Variants in PRELID2 observed in about 807,000 individuals in gnomAD.
The protein encoded by PRELID2 is PRELI domain containing 2, also known as PRELI domain-containing protein 2.
In PRELID2, 25 loss-of-function variants were observed where a neutral mutation model predicts 28.4. The observed-to-expected ratio is 0.88, with a 90% CI of 0.64 to 1.23. PRELID2 has a LOEUF of 1.23. Among genes scored for constraint, PRELID2 ranks in the 50% most tolerant of loss-of-function variants. PRELID2 has a pLI of 0.00. For synonymous variants in PRELID2, 76 were observed against 71.6 expected (o/e 1.06, Z -0.31); for missense variants, 201 against 214.4 (o/e 0.94, Z 0.39).
intron 1 of PRELID2, among the ~76,000 whole-genome samples, chr5:145,567,658 G>A (rs776007024): frequency 6.6e-6 from 1 of 152,088 alleles, no homozygotes; most frequent in African/African-American, 2.4e-5. Flanking sequence ...GATTACAGGT[G>A]TGAGCCACCA....
At chr5:145,562,871 G>C (rs1400500316) in intron 1 of PRELID2, among the ~76,000 whole-genome samples, 1 of 152,180 alleles carries the variant, frequency 6.6e-6, no homozygotes, top group Non-Finnish European at 1.5e-5. Context: ...GGCCAAAGTA[G>C]AGTTTTTTTC....
intron 1 of PRELID2, among the ~76,000 whole-genome samples, chr5:145,533,197 G>A (rs1752668641): frequency 6.6e-6 from 1 of 152,076 alleles, no homozygotes; most frequent in South Asian, 2.1e-4. Flanking sequence ...TGTATAAAAT[G>A]TGGGAATGGG....
intron 1 of PRELID2, among the ~76,000 whole-genome samples, chr5:145,615,270 A>C (rs1581003981): frequency 1.4e-5 from 2 of 145,998 alleles, no homozygotes; most frequent in African/African-American, 2.6e-5. Context: ...GCCTTCTTCC[A>C]CCCCTTTACT....
the PRELID2 span, among the ~76,000 whole-genome samples, chr5:145,344,046 G>A: frequency 6.6e-6 from 1 of 151,788 alleles, no homozygotes; most frequent in Non-Finnish European, 1.5e-5. Context: ...TCCCAGGACC[G>A]GAGGGACTCA....
the PRELID2 span, among the ~76,000 whole-genome samples, chr5:145,408,533 AG>A: frequency 1.3e-5 from 2 of 149,632 alleles, no homozygotes; most frequent in Non-Finnish European, 3.0e-5. Context: ...ATTAAAGAAA[AG>A]ACAATCACAA....
intron 1 of PRELID2, among the ~76,000 whole-genome samples, chr5:145,495,572 T>G (rs1198082526): frequency 1.3e-5 from 2 of 152,158 alleles, no homozygotes; most frequent in Non-Finnish European, 2.9e-5. Flanking sequence ...AATTTAAAAA[T>G]GTTTCATATT....
At chr5:145,666,744 T>A (rs1256446745) in intron 1 of PRELID2, among the ~76,000 whole-genome samples, 1 of 152,086 alleles carries the variant, frequency 6.6e-6, no homozygotes, top group Non-Finnish European at 1.5e-5. Context: ...TTATGAGTCT[T>A]GGTGCAGCTT....
At chr5:145,334,764 T>A in the PRELID2 span, among the ~76,000 whole-genome samples, 1 of 144,774 alleles carries the variant, frequency 6.9e-6, no homozygotes, top group East Asian at 2.1e-4. Flanking sequence ...AGTATTCTTG[T>A]TTGTCAGTTT....
At chr5:145,369,742 T>C in the PRELID2 span, among the ~76,000 whole-genome samples, 1 of 152,188 alleles carries the variant, frequency 6.6e-6, no homozygotes, top group Non-Finnish European at 1.5e-5. Context: ...CCACCAACAG[T>C]GTAAAAGTGC....
chr5:145,828,828 A>G (rs1022303896), intron 1 of PRELID2, among the ~76,000 whole-genome samples: 1 of 147,076 alleles, frequency 6.8e-6, no homozygotes, highest in African/African-American at 2.5e-5. Context: ...ATAGTGAAAA[A>G]AATCTTTTTT....
At chr5:145,794,462 C>T (rs1450141687) in intron 5 of PRELID2, among the ~76,000 whole-genome samples, 2 of 152,166 alleles carry the variant, frequency 1.3e-5, no homozygotes, top group Non-Finnish European at 1.5e-5. Context: ...CTTCATTCAT[C>T]TGAGGGCTGC....
the PRELID2 span, among the ~76,000 whole-genome samples, chr5:145,448,216 T>C: frequency 4.6e-5 from 7 of 151,896 alleles, no homozygotes; most frequent in Non-Finnish European, 1.0e-4. Flanking sequence ...ATTTCTCTGA[T>C]GGCCAGTGAT....
chr5:145,639,027 G>A (rs769516427), intron 1 of PRELID2, among the ~76,000 whole-genome samples: 7 of 152,194 alleles, frequency 4.6e-5, no homozygotes, highest in Non-Finnish European at 8.8e-5. Context: ...GGACCTAAGA[G>A]TATATTCTTC....
At chr5:145,291,793 A>T in the PRELID2 span, among the ~76,000 whole-genome samples, 1 of 152,050 alleles carries the variant, frequency 6.6e-6, no homozygotes, top group African/African-American at 2.4e-5. Context: ...TTTTCCATTA[A>T]TTTTTACATA....
intron 1 of PRELID2, among the ~76,000 whole-genome samples, chr5:145,828,088 A>G (rs986722929): frequency 1.3e-5 from 2 of 152,240 alleles, no homozygotes; most frequent in African/African-American, 4.8e-5. Flanking sequence ...TAAAGACACG[A>G]TGTTAGAAAA....
chr5:145,737,814 T>C (rs1221394125), intron 1 of PRELID2, among the ~76,000 whole-genome samples: 1 of 152,082 alleles, frequency 6.6e-6, no homozygotes, highest in Non-Finnish European at 1.5e-5. Flanking sequence ...TGCCAGGGTG[T>C]TGCCAGAGAA....
chr5:145,711,608 C>A lies in PRELID2; in HGVS notation n.70+53323G>T, dbSNP rs561612693. 9.2e-5 allele frequency among the ~76,000 whole-genome samples: 14 copies of A among 152,088 alleles called. No homozygotes were observed. The South Asian group carries it at 2.9e-3, about 32-fold the overall frequency. ...GGAAATCTGGGGACAGAGTGGAGAG[C>A]TGTGAGAGACTCTCCCTGAGTTTGC... On this transcript the variant is annotated intron_variant and non_coding_transcript_variant, in intron 1 of 2. Transcript: ENST00000510259.
chr5:145,610,862 ATTC>A (rs1478725936), intron 1 of PRELID2, among the ~76,000 whole-genome samples: 3 of 152,012 alleles, frequency 2.0e-5, no homozygotes, highest in African/African-American at 4.8e-5. Flanking sequence ...ACAGGTCAAA[ATTC>A]TTCTTTTTGA....
chr5:145,656,758 G>A (rs1349420542), intron 1 of PRELID2, among the ~76,000 whole-genome samples: 1 of 128,740 alleles, frequency 7.8e-6, no homozygotes, highest in Admixed American at 8.1e-5. Context: ...GTCATGGGGT[G>A]GGGGGAGGGG....
Sources: allele counts gnomAD v4.1 joint callset (sites outside exome capture counted in the v4.1 genomes callset), GRCh38; gene constraint gnomAD v4.1.1; transcripts MANE v1.5; gene names NCBI Gene and HGNC (gene_info 2026-07-23, HGNC 2026-07-21).